The following TAB2 variants were observed in gnomAD, a reference collection of about 807,000 sequenced individuals.
TAB2 encodes TGF-beta-activated kinase 1 and MAP3K7-binding protein 2.
In TAB2, 3 loss-of-function variants were observed where a neutral mutation model predicts 65.0. The observed-to-expected ratio is 0.05, with a 90% CI of 0.02 to 0.12. TAB2 has a LOEUF of 0.12. Among genes scored for constraint, TAB2 ranks in the 10% least tolerant of loss-of-function variants. The pLI, the probability that TAB2 is intolerant of heterozygous loss-of-function variation, is 1.00. For synonymous variants in TAB2, 298 were observed against 285.1 expected (o/e 1.05, Z -0.46); for missense variants, 623 against 840.3 (o/e 0.74, Z 3.20).
intron 1 of TAB2, among the ~76,000 whole-genome samples, chr6:149,256,496 G>A (rs2114662586): frequency 6.6e-6 from 1 of 152,240 alleles, no homozygotes; most frequent in East Asian, 1.9e-4. Context: ...TTCTTTATAT[G>A]AAGAAGAGAC....
At chr6:149,280,850 T>C (rs1778559821) in intron 1 of TAB2, among the ~76,000 whole-genome samples, 1 of 151,130 alleles carries the variant, frequency 6.6e-6, no homozygotes, top group African/African-American at 2.4e-5. Context: ...GAGGATTGCT[T>C]GAGCTCAGGA....
intron 1 of TAB2, chr6:149,243,552 A>G (rs577188830): frequency 2.0e-5 from 3 of 152,356 alleles, no homozygotes; most frequent in African/African-American, 7.2e-5. Context: ...AAAACACAGG[A>G]GACAACTTTA....
At chr6:149,251,981 A>G (rs556134578) in intron 1 of TAB2, among the ~76,000 whole-genome samples, 1 of 144,730 alleles carries the variant, frequency 6.9e-6, no homozygotes, top group East Asian at 2.1e-4. Flanking sequence ...CTTTTTTATA[A>G]ACAAAAAAAT....
intron 1 of TAB2, among the ~76,000 whole-genome samples, chr6:149,250,491 A>G (rs540186730): frequency 6.6e-6 from 1 of 152,254 alleles, no homozygotes; most frequent in South Asian, 2.1e-4. Flanking sequence ...TTTTTAGTAG[A>G]GACAGGGTTT....
intron 1 of TAB2, among the ~76,000 whole-genome samples, chr6:149,233,201 A>C (rs59110359): frequency 0.091 from 13,798 of 152,138 alleles, 1,008 homozygotes; most frequent in African/African-American, 0.21. Flanking sequence ...GGGGGGTGAG[A>C]AACAAGGGCT....
chr6:149,404,087 TCCA>T (rs752029162), intron 6 of TAB2, among the ~76,000 whole-genome samples: 3 of 152,202 alleles, frequency 2.0e-5, no homozygotes, highest in East Asian at 1.9e-4. Context: ...CCCTGAAGAC[TCCA>T]CCAAAAACTG....
chr6:149,407,774 AT>A (rs1782716382), intron 6 of TAB2, among the ~76,000 whole-genome samples: 2 of 151,688 alleles, frequency 1.3e-5, no homozygotes, highest in Non-Finnish European at 1.5e-5. Context: ...AACACCTCTA[AT>A]TAAAAAAAAA....
intron 1 of TAB2, among the ~76,000 whole-genome samples, chr6:149,254,646 A>G (rs1777968406): frequency 6.6e-6 from 1 of 152,212 alleles, no homozygotes; most frequent in South Asian, 2.1e-4. Context: ...CAATGTGACC[A>G]TAATTATACA....
At chr6:149,329,920 C>T (rs1779732957) in intron 1 of TAB2, among the ~76,000 whole-genome samples, 1 of 152,134 alleles carries the variant, frequency 6.6e-6, no homozygotes, top group Non-Finnish European at 1.5e-5. Flanking sequence ...ATGTGACCTT[C>T]ACAATTAGGT....
At chr6:149,311,973 T>A (rs758200519) in intron 1 of TAB2, among the ~76,000 whole-genome samples, 1 of 152,232 alleles carries the variant, frequency 6.6e-6, no homozygotes, top group Non-Finnish European at 1.5e-5. Flanking sequence ...TGCTGACCAA[T>A]ACCATTCTGA....
At chr6:149,343,715 C>T (rs1780203243) in intron 1 of TAB2, among the ~76,000 whole-genome samples, 1 of 152,134 alleles carries the variant, frequency 6.6e-6, no homozygotes, top group South Asian at 2.1e-4. Flanking sequence ...ACTGAGGTTT[C>T]CTAATGCCTT....
intron 2 of TAB2, among the ~76,000 whole-genome samples, chr6:149,373,655 A>G (rs1234142966): frequency 6.6e-6 from 1 of 152,218 alleles, no homozygotes; most frequent in Non-Finnish European, 1.5e-5. Flanking sequence ...GGGAAAAATG[A>G]AAGAGGAACT....
chr6:149,220,963 A>G (rs1245293700), intron 1 of TAB2: 1 of 152,180 alleles, frequency 6.6e-6, no homozygotes, highest in Non-Finnish European at 1.5e-5. Flanking sequence ...GAAACCTTGA[A>G]TTGTATCATT....
chr6:149,282,397 C>A (rs1372847018), intron 1 of TAB2, among the ~76,000 whole-genome samples: 4 of 151,840 alleles, frequency 2.6e-5, no homozygotes, highest in East Asian at 3.9e-4. Flanking sequence ...AAGACTCCAA[C>A]AAAACTATCA....
intron 1 of TAB2, chr6:149,221,217 A>G (rs536313380): frequency 5.8e-4 from 89 of 152,336 alleles, no homozygotes; most frequent in African/African-American, 2.0e-3. Flanking sequence ...TGCTTTATGT[A>G]TGAGTATTGT....
Position 149,389,686 on chromosome 6 carries a change from A to G in TAB2, c.1604-7918A>G, listed in dbSNP as rs938053042. Among the ~76,000 whole-genome samples, 9 of 151,394 alleles carry G rather than the reference A, an allele frequency of 5.9e-5. No individual in the cohort carries two copies. The South Asian group carries it at 6.2e-4, about 11-fold the overall frequency. On this transcript the variant is annotated intron_variant, in intron 3 of 6. Coordinates refer to ENST00000637181, the MANE Select transcript of TAB2 (RefSeq NM_001292034.3). ...AAAAAGGTATAAACCTTTCTAAGCC[A>G]TAATCACTCCCACGTCGCATAATGA...
At position 149,295,497 on chromosome 6, in the gene TAB2, A is replaced by G. The variant is rs528979838; in HGVS notation, c.-121+76721A>G. Reference sequence around the variant, plus strand: ...CATGTCTCTGTCCCCTCCTTCTGGAACTCCAGTTAAACCTATGTTAGATCT... The same window carrying G: ...CATGTCTCTGTCCCCTCCTTCTGGAGCTCCAGTTAAACCTATGTTAGATCT... On this transcript the variant is annotated intron_variant, in intron 1 of 1. Coordinates refer to the TAB2 transcript ENST00000606202. Among the ~76,000 whole-genome samples the G allele has an allele frequency of 5.9e-5, 9 of 152,160 alleles. No individual in the cohort carries two copies. In the South Asian group the frequency reaches 1.9e-3, roughly 32 times the overall value.
chr6:149,358,640 C>CTGTGTG (rs370116039), intron 1 of TAB2, among the ~76,000 whole-genome samples: 5,906 of 121,738 alleles, frequency 0.049, 174 homozygotes, highest in South Asian at 0.16. Context: ...CTTCAGAACT[C>CTGTGTG]TGTGTGTGTG....
rs1777585954 is a variant in TAB2, at chr6:149,240,931, C to T, written c.-121+22155C>T. Among the ~76,000 whole-genome samples, 3 of 152,144 alleles carry T rather than the reference C, an allele frequency of 2.0e-5. No homozygotes were observed. In the South Asian group the frequency reaches 6.2e-4, roughly 32 times the overall value. On this transcript the variant is annotated intron_variant, in intron 1 of 1. Transcript: ENST00000606202. ...AATGTGACAATATTTGGAGATAAGGCCTTTATGGAGGTAATTAAGGTAAAA... is the reference window on the plus strand; with the variant it reads ...AATGTGACAATATTTGGAGATAAGGTCTTTATGGAGGTAATTAAGGTAAAA...
Sources: allele counts gnomAD v4.1 joint callset (sites outside exome capture counted in the v4.1 genomes callset), GRCh38; gene constraint gnomAD v4.1.1; transcripts MANE v1.5; gene names NCBI Gene and HGNC (gene_info 2026-07-23, HGNC 2026-07-21).